AKAP8: variants seen among roughly 807,000 people sequenced by gnomAD.
The protein encoded by AKAP8 is A-kinase anchor protein 8.
In AKAP8, 24 loss-of-function variants were observed where a neutral mutation model predicts 67.5. That is an observed-to-expected ratio of 0.36 (90% CI 0.26 to 0.50). The LOEUF is 0.50. Ranked by LOEUF, AKAP8 falls within the 20% of genes least tolerant of loss-of-function variation. AKAP8 has a pLI of 0.97. For missense variants in AKAP8, 971 were observed against 955.9 expected (o/e 1.02, Z -0.21); for synonymous variants, 400 against 371.1 (o/e 1.08, Z -0.90).
At chr19:15,363,614 G>A (rs1017855985) in intron 9 of AKAP8, among the ~76,000 whole-genome samples, 16 of 151,660 alleles carry the variant, frequency 1.1e-4, no homozygotes, top group Non-Finnish European at 1.8e-4. Flanking sequence ...CTACTGGGAA[G>A]TGAGGAGCCC....
At position 15,355,211 on chromosome 19, in the gene AKAP8, G is replaced by C. The variant is rs921338802; in HGVS notation, c.1783C>G (p.Pro595Ala). 1.2e-6 allele frequency: 2 copies of C among 1,611,200 alleles called. No homozygotes were observed. Among genetic ancestry groups the C allele is most frequent in the African/African-American group, 2.7e-5 (2 of 74,928 alleles). The change falls in exon 14 of 14, where the codon CCC becomes GCC. Residue 595 changes from proline to alanine, a missense_variant. Physicochemically the swap from Pro to Ala is conservative, Grantham distance 27. This residue lies in a region of AKAP8 where 204 missense variants were observed against 193.0 expected (regional missense o/e 1.06). Transcript: ENST00000269701. ...GGCTCCCCGCTGCTCTCTGGAGCGG[G>C]CGCTCCTTCCCCATCTACGGCCCTC... The part of the protein sequence containing the change: ...AVRAVDGEGA[P>A]APESSGEPAE...
At chr19:15,359,768 A>C (rs1456668827) in intron 12 of AKAP8, among the ~76,000 whole-genome samples, 1 of 152,126 alleles carries the variant, frequency 6.6e-6, no homozygotes, top group Non-Finnish European at 1.5e-5. Flanking sequence ...TGACTGCACC[A>C]AGTCTCTGTT....
At chr19:15,368,971 G>A in intron 8 of AKAP8, 1 of 986,106 alleles carries the variant, frequency 1.0e-6, no homozygotes, top group Non-Finnish European at 1.2e-6. Context: ...GCCAGCAGAG[G>A]AGCTCCTCGG....
At chr19:15,363,942 A>G (rs577239389) in intron 9 of AKAP8, among the ~76,000 whole-genome samples, 2 of 151,826 alleles carry the variant, frequency 1.3e-5, no homozygotes, top group African/African-American at 4.8e-5. Flanking sequence ...GCTTTGTTAA[A>G]CAGATGCTTG....
chr19:15,358,909 T>G, intron 13 of AKAP8, 58 bp downstream of exon 13: 1 of 1,503,858 alleles, frequency 6.6e-7, no homozygotes, highest in Non-Finnish European at 9.3e-7. Context: ...TCCCTGCTCC[T>G]GGGGTTCATC....
chr19:15,374,720 C>T, intron 2 of AKAP8, 85 bp from the exon 3 acceptor site: 3 of 1,521,618 alleles, frequency 2.0e-6, no homozygotes, highest in East Asian at 2.3e-5. Flanking sequence ...CCACCCTCCA[C>T]AGCCCCAGGG....
At chr19:15,377,434 T>G (rs1232469177) in intron 1 of AKAP8, among the ~76,000 whole-genome samples, 1 of 152,238 alleles carries the variant, frequency 6.6e-6, no homozygotes, top group Non-Finnish European at 1.5e-5. Context: ...GGGAATTTAG[T>G]GACATAAATT....
Position 15,362,133 on chromosome 19 carries a change from C to T in AKAP8, c.1279G>A (p.Asp427Asn), listed in dbSNP as rs61757660. ...ACCTGGAGGAACTCCACGGTCTTGT[C>T]GGGCAGCTTGGTGCTTATGAACCGC... ...TLRFISTKLP[D>N]KTVEFLQEYI... The change falls in exon 10 of 14, where the codon GAC becomes AAC. Residue 427 changes from aspartate to asparagine, a missense_variant. Physicochemically the swap from Asp to Asn is conservative, Grantham distance 23. Around this residue, in one of 3 missense-constraint regions of AKAP8, gnomAD observed 763 missense variants for 745.4 expected, o/e 1.02. Coordinates refer to ENST00000269701, the MANE Select transcript of AKAP8 (RefSeq NM_005858.4). The T allele has an allele frequency of 2.5e-4, 398 of 1,614,016 alleles. No homozygotes were observed. In the African/African-American group the frequency reaches 4.9e-3, roughly 20 times the overall value.
chr19:15,354,808 T>A lies in AKAP8; in HGVS notation c.*107A>T. Reference sequence around the variant, plus strand: ...GCTGGGTCTCTTCACCAAAATTAGATTACAGCATATTCTGGGAGCACACGC... The same window carrying A: ...GCTGGGTCTCTTCACCAAAATTAGAATACAGCATATTCTGGGAGCACACGC... On this transcript the variant is annotated 3_prime_UTR_variant, in exon 14 of 14. Coordinates refer to ENST00000269701, the MANE Select transcript of AKAP8 (RefSeq NM_005858.4). 7.4e-7 allele frequency: 1 copy of A among 1,342,946 alleles called. No homozygotes were observed. Among genetic ancestry groups the A allele is most frequent in the Non-Finnish European group, 1.0e-6 (1 of 978,622 alleles). The allele number at this position is 1,342,946 out of a possible 1,614,324, so 83.2% of individuals were successfully genotyped here.
At chr19:15,376,660 T>C (rs941766751) in intron 2 of AKAP8, among the ~76,000 whole-genome samples, 6 of 152,158 alleles carry the variant, frequency 3.9e-5, no homozygotes, top group African/African-American at 1.4e-4. Flanking sequence ...CCCTCAGCTA[T>C]TTACTCAGAA....
chr19:15,370,328 C>T, intron 7 of AKAP8, 149 bp from the exon 8 acceptor site: 1 of 840,498 alleles, frequency 1.2e-6, no homozygotes, highest in African/African-American at 1.7e-5. Flanking sequence ...TGTGTTAGGA[C>T]CAGCCTCCGG....
rs932135965 is a variant in AKAP8, at chr19:15,368,954, C to G, written c.1073-632G>C. 6.1e-6 allele frequency: 6 copies of G among 985,900 alleles called. No homozygotes were observed. The African/African-American group carries it at 1.0e-4, about 17-fold the overall frequency. The allele number at this position is 985,900 out of a possible 1,614,324, so 61.1% of individuals were successfully genotyped here. On this transcript the variant is annotated intron_variant, in intron 8 of 13. Coordinates refer to ENST00000269701, the MANE Select transcript of AKAP8 (RefSeq NM_005858.4). ...AGACCAATTGGTCCTCCCGTCCGTCCCCCGGGGCCAGCAGAGGAGCTCCTC... is the reference window on the plus strand; with the variant it reads ...AGACCAATTGGTCCTCCCGTCCGTCGCCCGGGGCCAGCAGAGGAGCTCCTC...
Position 15,374,626 on chromosome 19 carries a change from C to A in AKAP8, c.68G>T (p.Gly23Val). ...ACCTTGCCAGCTGGCCACACCAGTTCCATATGCACCTTAGGGGAAACAGAA... is the reference window on the plus strand; with the variant it reads ...ACCTTGCCAGCTGGCCACACCAGTTACATATGCACCTTAGGGGAAACAGAA... ...AGPANTQGAY[G>V]TGVASWQGYE... The change falls in exon 3 of 14, where the codon GGA becomes GTA. Residue 23 changes from glycine (G) to valine (V), a missense_variant. Gly to Val is a moderately radical substitution (Grantham distance 109, BLOSUM62 -3). Transcript: ENST00000269701. 1.2e-6 allele frequency: 2 copies of A among 1,611,912 alleles called. No homozygotes were observed. The highest frequency in any genetic ancestry group is 2.2e-5 in the South Asian group (2 of 91,014).
chr19:15,364,115 A>G (rs1355936803), intron 9 of AKAP8, among the ~76,000 whole-genome samples: 1 of 144,462 alleles, frequency 6.9e-6, no homozygotes, highest in African/African-American at 2.5e-5. Context: ...GGGCAAAAAA[A>G]AAAAAAAAAA....
intron 9 of AKAP8, among the ~76,000 whole-genome samples, chr19:15,364,131 A>C (rs2145070095): frequency 7.2e-6 from 1 of 139,192 alleles, no homozygotes; most frequent in Non-Finnish European, 1.6e-5. Context: ...AAAAAGAAAC[A>C]GGATTTTCAG....
At position 15,361,789 on chromosome 19, in the gene AKAP8, T is replaced by G; in HGVS notation, c.1336A>C (p.Lys446Gln). 6.2e-7 allele frequency: 1 copy of G among 1,614,140 alleles called. No individual in the cohort carries two copies. Among genetic ancestry groups the G allele is most frequent in the Non-Finnish European group, 8.5e-7 (1 of 1,179,966 alleles). ...YIVNRNKKIE[K>Q]RRQELMEKET... ...TTCTCCATCAATTCCTGACGCCGCT[T>G]CTCAATTTTCTTATTTCTGTTTACA... The change falls in exon 11 of 14, where the codon AAG (lysine) becomes CAG (glutamine). Residue 446 changes from lysine to glutamine, a missense_variant. By Grantham distance (53) the Lys-to-Gln change is moderately conservative (BLOSUM62 1). This residue lies in a region of AKAP8 where 763 missense variants were observed against 745.4 expected (regional missense o/e 1.02). Transcript: ENST00000269701.
intron 13 of AKAP8, among the ~76,000 whole-genome samples, chr19:15,358,699 T>A (rs766768596): frequency 6.6e-6 from 1 of 152,148 alleles, no homozygotes; most frequent in Admixed American, 6.6e-5. Flanking sequence ...CTCAGAATTT[T>A]AAGGCTAAAC....
chr19:15,357,262 C>A (rs1367377900), intron 13 of AKAP8, among the ~76,000 whole-genome samples: 1 of 151,112 alleles, frequency 6.6e-6, no homozygotes. Context: ...CCCGGCCACC[C>A]CATCCCCCTG....
rs1464305307 is a variant in AKAP8 at position 15,369,228 on chromosome 19, C to T, written c.1073-906G>A. 2.0e-5 allele frequency: 20 copies of T among 985,392 alleles called. No individual in the cohort carries two copies. In the East Asian group the frequency reaches 9.1e-4, roughly 45 times the overall value. 61.0% of individuals were successfully genotyped at this position (985,392 alleles called of 1,614,324 possible). ...CATCCCGGGTAGGTAGCAGGACCTGCGCGCAACAGACATGTCACCTTTGCT... is the reference window on the plus strand; with the variant it reads ...CATCCCGGGTAGGTAGCAGGACCTGTGCGCAACAGACATGTCACCTTTGCT... On this transcript the variant is annotated intron_variant, in intron 8 of 13. Coordinates refer to ENST00000269701, the MANE Select transcript of AKAP8 (RefSeq NM_005858.4). The surrounding 1 kb of genome is among the most constrained non-coding windows in gnomAD (Gnocchi z 4.6).
Sources: allele counts gnomAD v4.1 joint callset (sites outside exome capture counted in the v4.1 genomes callset), GRCh38; gene constraint gnomAD v4.1.1; regional missense constraint gnomAD v4.1.1; non-coding constraint Gnocchi (gnomAD v3.1); transcripts MANE v1.5; gene names NCBI Gene and HGNC (gene_info 2026-07-23, HGNC 2026-07-21).